Variants in TATDN1 observed in about 807,000 individuals in gnomAD.
TATDN1 encodes TatD DNase domain containing 1.
A neutral mutation model predicts 46.4 loss-of-function variants in TATDN1; 40 were observed. That is an observed-to-expected ratio of 0.86 (90% CI 0.67 to 1.12). The LOEUF is 1.12. TATDN1 is among the 50% of genes most tolerant of loss of function. The pLI is 0.00. For synonymous variants in TATDN1, 95 were observed against 105.6 expected (o/e 0.90, Z 0.62); for missense variants, 326 against 348.4 (o/e 0.94, Z 0.51).
At chr8:124,528,494 T>G (rs1047106579) in intron 1 of TATDN1, among the ~76,000 whole-genome samples, 1 of 152,030 alleles carries the variant, frequency 6.6e-6, no homozygotes, top group Non-Finnish European at 1.5e-5. Context: ...CTATTTCACC[T>G]GAAGTACTTA....
intron 4 of TATDN1, 62 bp from the exon 5 acceptor site, chr8:124,516,092 T>C: frequency 7.2e-7 from 1 of 1,392,178 alleles, no homozygotes; most frequent in Non-Finnish European, 9.5e-7. Context: ...ATATTTATTA[T>C]GATATTTAGA....
At chr8:124,514,639 T>G (rs1403945974) in intron 6 of TATDN1, among the ~76,000 whole-genome samples, 1 of 152,210 alleles carries the variant, frequency 6.6e-6, no homozygotes, top group Non-Finnish European at 1.5e-5. Context: ...GTTTTATCAT[T>G]TTCATAATTA....
chr8:124,491,175 T>A (rs7830325), intron 11 of TATDN1: 23,421 of 151,920 alleles, frequency 0.15, 2,270 homozygotes, highest in Admixed American at 0.24. Flanking sequence ...GTTATAGCTT[T>A]AAAAAAAATA....
chr8:124,535,875 A>G (rs1366916470), intron 1 of TATDN1, among the ~76,000 whole-genome samples: 1 of 152,176 alleles, frequency 6.6e-6, no homozygotes, highest in Non-Finnish European at 1.5e-5. Flanking sequence ...TGAACTCATT[A>G]CCACAGGGAG....
rs869060230 is a variant in TATDN1, at chr8:124,534,145, C to CAAAAAAAAAAAAAA, written c.22+4866_22+4879dup. On this transcript the variant is annotated intron_variant, in intron 1 of 11. Coordinates refer to ENST00000276692, the MANE Select transcript of TATDN1 (RefSeq NM_032026.4). The stretch of plus-strand genomic sequence containing the variant: ...TGGGCAACAGAGCGAGACTCCGTCT[C>CAAAAAAAAAAAAAA]AAAAAAAAAAAAAAAAAAAAAAAAA... Among the ~76,000 whole-genome samples the CAAAAAAAAAAAAAA allele has an allele frequency of 3.1e-4, 16 of 51,272 alleles. 1 individual carries two copies. Among genetic ancestry groups the CAAAAAAAAAAAAAA allele is most frequent in the East Asian group, 1.3e-3 (1 of 766 alleles). The allele number at this position is 51,272 out of a possible 152,430, so 33.6% of individuals were successfully genotyped here.
chr8:124,508,449 T>A (rs565964986), intron 8 of TATDN1, 25 bp downstream of exon 8: 60 of 1,602,494 alleles, frequency 3.7e-5, no homozygotes, highest in Non-Finnish European at 4.9e-5. Flanking sequence ...TCAACCTGTA[T>A]TAAAAATGAC....
intron 11 of TATDN1, chr8:124,490,300 A>T (rs532079996): frequency 9.8e-5 from 15 of 152,296 alleles, no homozygotes; most frequent in African/African-American, 2.2e-4. Flanking sequence ...GATTGAACTC[A>T]AGAGTTCGAG....
intron 9 of TATDN1, among the ~76,000 whole-genome samples, chr8:124,496,161 C>T (rs965262363): frequency 1.3e-5 from 2 of 152,176 alleles, no homozygotes; most frequent in Non-Finnish European, 2.9e-5. Flanking sequence ...TAATACTGTT[C>T]TTATATTACT....
intron 9 of TATDN1, among the ~76,000 whole-genome samples, chr8:124,497,942 ATTACT>A (rs1344493359): frequency 1.3e-5 from 2 of 152,216 alleles, no homozygotes; most frequent in African/African-American, 4.8e-5. Flanking sequence ...CAATGGTGCT[ATTACT>A]TTAACATCAC....
rs564537398 is a variant in TATDN1 at position 124,531,536 on chromosome 8, A to G, written c.22+7489T>C. Among the ~76,000 whole-genome samples the G allele has an allele frequency of 3.9e-5, 6 of 152,296 alleles. No homozygotes were observed. The South Asian group carries it at 1.2e-3, about 32-fold the overall frequency. On this transcript the variant is annotated intron_variant, in intron 1 of 11. Transcript: ENST00000276692. ...GTGGAATTCAGTGGGAACACCCTAG[A>G]TAGGAATGGTTTTTCTCAAGCAGCA...
At chr8:124,499,545 C>T (rs1817758891) in intron 9 of TATDN1, among the ~76,000 whole-genome samples, 1 of 151,870 alleles carries the variant, frequency 6.6e-6, no homozygotes, top group Non-Finnish European at 1.5e-5. Flanking sequence ...AATACATCTT[C>T]CCATTTTCTT....
chr8:124,518,843 A>G lies in TATDN1; in HGVS notation c.177T>C (p.Asp59=), dbSNP rs150059642. Residue 59 remains aspartate (D), a synonymous_variant, in exon 4 of 12, where the codon GAT becomes GAC. Coordinates refer to ENST00000276692, the MANE Select transcript of TATDN1 (RefSeq NM_032026.4). ...ITGGNLQDSK[D]ALHLAQTNGM... ...CATTTGTTTGTGCCAAATGCAGTGC[A>G]TCTTTACTGTCTTGTAGATTTCCAC... The G allele has an allele frequency of 7.4e-6, 12 of 1,612,004 alleles. No individual in the cohort carries two copies. In the Middle Eastern group the frequency reaches 6.6e-4, roughly 89 times the overall value.
intron 9 of TATDN1, among the ~76,000 whole-genome samples, chr8:124,496,256 A>G (rs1038606966): frequency 2.0e-5 from 3 of 152,350 alleles, no homozygotes; most frequent in South Asian, 2.1e-4. Context: ...AAAAGTACAG[A>G]GATTCCCCAA....
chr8:124,533,433 G>A (rs1821145997), intron 1 of TATDN1, among the ~76,000 whole-genome samples: 1 of 152,060 alleles, frequency 6.6e-6, no homozygotes, highest in South Asian at 2.1e-4. Context: ...GGGGATCCCA[G>A]GAGTAATTTT....
At chr8:124,507,093 C>T (rs1489626286) in intron 8 of TATDN1, among the ~76,000 whole-genome samples, 5 of 151,510 alleles carry the variant, frequency 3.3e-5, no homozygotes, top group African/African-American at 9.7e-5. Flanking sequence ...ACCCAGGTGA[C>T]GGAGGTTGCA....
chr8:124,518,278 A>G (rs1586640838), intron 4 of TATDN1, among the ~76,000 whole-genome samples: 1 of 137,980 alleles, frequency 7.2e-6, no homozygotes, highest in Admixed American at 7.6e-5. Context: ...TAATCCCAGC[A>G]CTTTGGGAGG....
chr8:124,528,334 C>A (rs1036615863), intron 1 of TATDN1, among the ~76,000 whole-genome samples: 2 of 152,126 alleles, frequency 1.3e-5, no homozygotes, highest in Non-Finnish European at 2.9e-5. Context: ...CCGCCACACC[C>A]GGCTAATTTT....
At chr8:124,509,868 G>A (rs890937690) in intron 6 of TATDN1, among the ~76,000 whole-genome samples, 7 of 151,832 alleles carry the variant, frequency 4.6e-5, no homozygotes, top group Admixed American at 1.3e-4. Flanking sequence ...GTGAAACCTC[G>A]TCTCTACTAA....
Position 124,515,963 on chromosome 8 carries a change from A to G in TATDN1, c.270T>C (p.Asp90=), listed in dbSNP as rs565421230. The G allele has an allele frequency of 5.3e-4, 852 of 1,613,976 alleles. 10 individuals are homozygous for G. The South Asian group carries it at 8.7e-3, about 17-fold the overall frequency. The change falls in exon 5 of 12, where the codon GAT becomes GAC. Residue 90 remains aspartate, a synonymous_variant. Transcript: ENST00000276692. ...GATTTAGCAACTCCTTTAAGTAAAG[A>G]TCAGGGTTATTCTTTTCAAATTCAC... is the stretch of plus-strand genomic sequence containing the variant. ...RCGEFEKNNP[D]LYLKELLNLA...
Sources: gnomAD v4.1 joint callset for allele counts (sites outside exome capture counted in the v4.1 genomes callset) on GRCh38, gnomAD v4.1.1 for gene constraint, MANE v1.5 for transcripts, NCBI Gene and HGNC (gene_info 2026-07-23, HGNC 2026-07-21) for gene names.